PLCE1: variants seen among roughly 807,000 people sequenced by gnomAD.
PLCE1 encodes phospholipase C epsilon 1.
A neutral mutation model predicts 242.8 loss-of-function variants in PLCE1; 119 were observed. That is an observed-to-expected ratio of 0.49 (90% CI 0.42 to 0.57). The LOEUF (loss-of-function observed/expected upper bound fraction) is 0.57. Among genes scored for constraint, PLCE1 ranks in the 20% least tolerant of loss-of-function variants. The pLI is 0.00. For synonymous variants in PLCE1, 945 were observed against 1,017.4 expected, an observed-to-expected ratio of 0.93 and a Z score of 1.35; for missense variants, 2,441 against 2,788.8, an observed-to-expected ratio of 0.88 and a Z score of 2.81.
chr10:94,191,651 A>AG (rs1286762402), intron 4 of PLCE1, among the ~76,000 whole-genome samples: 1 of 152,056 alleles, frequency 6.6e-6, no homozygotes, highest in Non-Finnish European at 1.5e-5. Context: ...AGAAAAAAAA[A>AG]GTGGGGGATA....
At chr10:94,241,996 C>G (rs1008716154) in intron 7 of PLCE1, among the ~76,000 whole-genome samples, 1 of 152,014 alleles carries the variant, frequency 6.6e-6, no homozygotes, top group Non-Finnish European at 1.5e-5. Flanking sequence ...TGAGCATTGT[C>G]TTTTTGCCAT....
chr10:94,022,939 A>C (rs2061397680), intron 1 of PLCE1, among the ~76,000 whole-genome samples: 1 of 152,172 alleles, frequency 6.6e-6, no homozygotes, highest in African/African-American at 2.4e-5. Flanking sequence ...TATGCTGGAA[A>C]TGTAAAGTGT....
chr10:94,006,443 C>G (rs1264075004), intron 1 of PLCE1, among the ~76,000 whole-genome samples: 3 of 152,160 alleles, frequency 2.0e-5, no homozygotes, highest in African/African-American at 7.2e-5. Context: ...CAGACAAGTT[C>G]AAATGACAAG....
intron 2 of PLCE1, among the ~76,000 whole-genome samples, chr10:94,033,180 A>G (rs2061596516): frequency 6.6e-6 from 1 of 152,044 alleles, no homozygotes. Flanking sequence ...GGTAGGGGGC[A>G]GTTCTGGAAC....
chr10:94,105,158 TAGA>T (rs1454241403), intron 2 of PLCE1: 1 of 152,188 alleles, frequency 6.6e-6, no homozygotes, highest in Non-Finnish European at 1.5e-5. Context: ...TTTCATTTTA[TAGA>T]AGGATTCTGA....
intron 7 of PLCE1, among the ~76,000 whole-genome samples, chr10:94,241,226 G>A (rs1404517775): frequency 6.6e-6 from 1 of 152,154 alleles, no homozygotes; most frequent in Non-Finnish European, 1.5e-5. Flanking sequence ...TCTCTGAGCA[G>A]CAGAAACAGG....
At chr10:94,236,213 A>C (rs1589396165) in intron 7 of PLCE1, 93 bp downstream of exon 7, 46 of 1,025,774 alleles carry the variant, frequency 4.5e-5, no homozygotes, top group Non-Finnish European at 2.8e-5. Context: ...TCAGATGGAC[A>C]CCTCATCAAA....
chr10:94,113,704 A>G (rs1590053171), intron 2 of PLCE1, among the ~76,000 whole-genome samples: 1 of 152,216 alleles, frequency 6.6e-6, no homozygotes. Context: ...AGACTGCCTT[A>G]AAGAGTGGAA....
At chr10:94,318,987 G>A (rs1434248829) in intron 29 of PLCE1, among the ~76,000 whole-genome samples, 1 of 152,198 alleles carries the variant, frequency 6.6e-6, no homozygotes, top group Non-Finnish European at 1.5e-5. Context: ...GGCAGAGGTT[G>A]CAGTGAGCCA....
chr10:94,203,584 C>A (rs1279002043), intron 4 of PLCE1, among the ~76,000 whole-genome samples: 1 of 152,194 alleles, frequency 6.6e-6, no homozygotes, highest in South Asian at 2.1e-4. Flanking sequence ...TACTCAGGAA[C>A]ACCTTCATTC....
intron 22 of PLCE1, among the ~76,000 whole-genome samples, chr10:94,289,837 A>G (rs2052586770): frequency 6.6e-6 from 1 of 152,184 alleles, no homozygotes; most frequent in Non-Finnish European, 1.5e-5. Flanking sequence ...CTTTATAAAC[A>G]CTGTACACTA....
intron 2 of PLCE1, among the ~76,000 whole-genome samples, chr10:94,130,259 G>T (rs1300852993): frequency 6.6e-6 from 1 of 152,106 alleles, no homozygotes; most frequent in Non-Finnish European, 1.5e-5. Context: ...GGATAATATT[G>T]CCCAGAAACA....
At chr10:94,235,338 TAAG>T (rs58059766) in intron 6 of PLCE1, among the ~76,000 whole-genome samples, 1,872 of 152,218 alleles carry the variant, frequency 0.012, 42 homozygotes, top group African/African-American at 0.043. Flanking sequence ...CCTCATGTCT[TAAG>T]AAGAGGGAAC....
chr10:94,084,406 T>C (rs1174096482), intron 2 of PLCE1, among the ~76,000 whole-genome samples: 1 of 152,134 alleles, frequency 6.6e-6, no homozygotes, highest in African/African-American at 2.4e-5. Context: ...GACTGGAAGC[T>C]GAGTCTGGTC....
intron 2 of PLCE1, chr10:94,105,733 T>G (rs2135545765): frequency 6.6e-6 from 1 of 152,344 alleles, no homozygotes; most frequent in East Asian, 1.9e-4. Flanking sequence ...TTAATCTCCA[T>G]TTCTTAGCTT....
At chr10:94,219,303 T>C (rs1249848201) in intron 4 of PLCE1, among the ~76,000 whole-genome samples, 1 of 152,152 alleles carries the variant, frequency 6.6e-6, no homozygotes, top group Non-Finnish European at 1.5e-5. Context: ...AATAAGAAAT[T>C]GGTGTATGTA....
At chr10:94,186,770 T>C in intron 4 of PLCE1, among the ~76,000 whole-genome samples, 1 of 152,256 alleles carries the variant, frequency 6.6e-6, no homozygotes, top group East Asian at 1.9e-4. Flanking sequence ...ATAATTGATA[T>C]GCAAGTCAAA....
chr10:94,056,619 C>A (rs968735136), intron 2 of PLCE1, among the ~76,000 whole-genome samples: 6 of 151,638 alleles, frequency 4.0e-5, no homozygotes, highest in African/African-American at 1.5e-4. Context: ...TTTTTCTTAG[C>A]CTTTAAAAAA....
chr10:94,314,136 G>A (rs1292385504), intron 28 of PLCE1, among the ~76,000 whole-genome samples: 1 of 152,196 alleles, frequency 6.6e-6, no homozygotes, highest in African/African-American at 2.4e-5. Context: ...AAGAGTGAGA[G>A]AGCCAGGGAC....
Sources: allele counts gnomAD v4.1 joint callset (sites outside exome capture counted in the v4.1 genomes callset), GRCh38; gene constraint gnomAD v4.1.1; transcripts MANE v1.5; gene names NCBI Gene and HGNC (gene_info 2026-07-23, HGNC 2026-07-21).